The following GRM5 variants were observed in gnomAD, a reference collection of about 807,000 sequenced individuals.
GRM5 encodes metabotropic glutamate receptor 5.
GRM5 carries 19 observed loss-of-function variants against 83.1 expected under a neutral mutation model. The observed-to-expected ratio is 0.23, with a 90% CI of 0.16 to 0.34. The LOEUF (loss-of-function observed/expected upper bound fraction) is 0.34, where lower values mean the gene tolerates loss of function less well. Ranked by LOEUF, GRM5 falls within the 10% of genes least tolerant of loss-of-function variation. The pLI is 1.00. For missense variants in GRM5, 1,160 were observed against 1,588.3 expected (o/e 0.73, Z 4.58); for synonymous variants, 675 against 633.6 (o/e 1.07, Z -0.98).
At position 88,508,568 on chromosome 11, in the gene GRM5, G is replaced by C. The variant is rs1272930330; in HGVS notation, c.*24C>G. 6.3e-7 allele frequency: 1 copy of C among 1,588,786 alleles called. No individual in the cohort carries two copies. Among genetic ancestry groups the C allele is most frequent in the Non-Finnish European group, 8.6e-7 (1 of 1,160,920 alleles). On this transcript the variant is annotated 3_prime_UTR_variant, in exon 10 of 10. Coordinates refer to ENST00000305447, the MANE Select transcript of GRM5 (RefSeq NM_001143831.3). This position sits in a 1 kb window ranked among gnomAD's most constrained non-coding sequence, Gnocchi z 4.2. Reference sequence around the variant, plus strand: ...CGGGGGGCTCCGCTCCGCACGCGCAGGCCGGCGTGCTTTCCAGGGACATTC... The same window carrying C: ...CGGGGGGCTCCGCTCCGCACGCGCACGCCGGCGTGCTTTCCAGGGACATTC...
intron 8 of GRM5, among the ~76,000 whole-genome samples, chr11:88,537,430 A>C (rs945939288): frequency 6.6e-5 from 10 of 152,156 alleles, no homozygotes; most frequent in Non-Finnish European, 1.2e-4. Flanking sequence ...GTGATAGCAG[A>C]AGACAGACAG....
intron 3 of GRM5, among the ~76,000 whole-genome samples, chr11:88,826,455 ATTATT>A (rs538072885): frequency 6.5e-4 from 99 of 151,314 alleles, no homozygotes; most frequent in Non-Finnish European, 1.8e-4. Flanking sequence ...TATATATATA[ATTATT>A]TTATTTATTT....
intron 2 of GRM5, among the ~76,000 whole-genome samples, chr11:88,895,107 T>C (rs565322767): frequency 1.3e-5 from 2 of 152,054 alleles, no homozygotes; most frequent in African/African-American, 4.8e-5. Flanking sequence ...AGCAGACTGA[T>C]AAATTGAGAT....
At position 88,525,407 on chromosome 11, in the gene GRM5, G is replaced by A; in HGVS notation, c.2631-3C>T. On this transcript the variant is annotated splice_region_variant and splice_polypyrimidine_tract_variant and intron_variant, in intron 8 of 9. Transcript: ENST00000305447. ...GGGCCAGTCTCCTGTCTTTGTACCTGGTGAGCATGAACAAGGACAGGAGCA... is the reference window on the plus strand; with the variant it reads ...GGGCCAGTCTCCTGTCTTTGTACCTAGTGAGCATGAACAAGGACAGGAGCA... The A allele has an allele frequency of 6.3e-7, 1 of 1,581,132 alleles. No individual in the cohort carries two copies. Among genetic ancestry groups the A allele is most frequent in the South Asian group, 1.1e-5 (1 of 90,148 alleles).
In GRM5 at chr11:88,972,627, T is replaced by A. The variant is rs547371789; in HGVS notation, c.661+74585A>T. 2.6e-5 allele frequency among the ~76,000 whole-genome samples: 4 copies of A among 152,280 alleles called. No homozygotes were observed. In the South Asian group the frequency reaches 8.3e-4, roughly 32 times the overall value. ...ATGGAATTAGGAGATTACCACTTGA[T>A]AATCATCAGTGAAAACTCATTCAGG... is the stretch of plus-strand genomic sequence containing the variant. On this transcript the variant is annotated intron_variant, in intron 2 of 9. Transcript: ENST00000305447.
intron 3 of GRM5, among the ~76,000 whole-genome samples, chr11:88,730,488 T>C (rs1427639270): frequency 6.6e-6 from 1 of 152,080 alleles, no homozygotes; most frequent in African/African-American, 2.4e-5. Flanking sequence ...GTGCCAGAAA[T>C]ACCATTTAAC....
chr11:88,580,633 G>A (rs576152835), intron 7 of GRM5, among the ~76,000 whole-genome samples: 2 of 152,210 alleles, frequency 1.3e-5, no homozygotes, highest in African/African-American at 2.4e-5. Flanking sequence ...CACGGCTTAC[G>A]GCTTTCTGGG....
intron 3 of GRM5, among the ~76,000 whole-genome samples, chr11:88,720,114 G>T (rs1941499405): frequency 6.6e-6 from 1 of 151,992 alleles, no homozygotes; most frequent in African/African-American, 2.4e-5. Flanking sequence ...ACAGAACCTG[G>T]CATTTAGGAG....
intron 4 of GRM5, among the ~76,000 whole-genome samples, chr11:88,609,974 A>G (rs1938269461): frequency 6.6e-6 from 1 of 152,222 alleles, no homozygotes; most frequent in Non-Finnish European, 1.5e-5. Context: ...TCCCAGCACC[A>G]TTTATTGGAT....
intron 3 of GRM5, among the ~76,000 whole-genome samples, chr11:88,757,742 G>A (rs1047001278): frequency 3.9e-5 from 6 of 152,278 alleles, no homozygotes; most frequent in Admixed American, 6.5e-5. Flanking sequence ...CAGTCAATGA[G>A]TGTGAACCCC....
At chr11:88,901,845 C>T (rs1945319266) in intron 2 of GRM5, among the ~76,000 whole-genome samples, 1 of 152,142 alleles carries the variant, frequency 6.6e-6, no homozygotes. Flanking sequence ...TTTCCGAATG[C>T]ATCTCAAACT....
intron 8 of GRM5, among the ~76,000 whole-genome samples, chr11:88,542,148 A>G (rs1827603): frequency 0.21 from 32,695 of 152,134 alleles, 3,827 homozygotes; most frequent in African/African-American, 0.27. Flanking sequence ...GGGTGAGAGC[A>G]GACTAATACA....
At chr11:88,821,564 G>C (rs1943795773) in intron 3 of GRM5, among the ~76,000 whole-genome samples, 1 of 151,902 alleles carries the variant, frequency 6.6e-6, no homozygotes, top group African/African-American at 2.4e-5. Context: ...GTTCTTCTCT[G>C]GACTATTGCA....
chr11:88,936,574 G>A (rs1937901574), intron 2 of GRM5, among the ~76,000 whole-genome samples: 1 of 151,542 alleles, frequency 6.6e-6, no homozygotes, highest in Non-Finnish European at 1.5e-5. Context: ...CATAAACCAA[G>A]GAAAGCTGAT....
intron 3 of GRM5, among the ~76,000 whole-genome samples, chr11:88,744,585 T>C (rs1326474194): frequency 1.3e-5 from 2 of 152,122 alleles, no homozygotes; most frequent in African/African-American, 4.8e-5. Context: ...ACATGAACCT[T>C]GAAAGGCAGG....
chr11:88,982,088 T>A (rs1939543198), intron 2 of GRM5, among the ~76,000 whole-genome samples: 1 of 152,198 alleles, frequency 6.6e-6, no homozygotes, highest in Admixed American at 6.5e-5. Flanking sequence ...TGGTATTGGG[T>A]AACCAATATT....
intron 9 of GRM5, among the ~76,000 whole-genome samples, chr11:88,518,759 G>A (rs1330141426): frequency 6.6e-6 from 1 of 151,652 alleles, no homozygotes. Context: ...GCTCTTGCAG[G>A]TTCCATCAGA....
intron 2 of GRM5, among the ~76,000 whole-genome samples, chr11:89,002,014 T>TC (rs1388144862): frequency 1.3e-5 from 2 of 152,082 alleles, no homozygotes; most frequent in African/African-American, 4.8e-5. Flanking sequence ...AGCTATTTTC[T>TC]CCCCCTAGAG....
At chr11:88,604,603 G>T in intron 5 of GRM5, 115 bp downstream of exon 5, 1 of 860,626 alleles carries the variant, frequency 1.2e-6, no homozygotes, top group Non-Finnish European at 1.8e-6. Context: ...TCAGGGAAGG[G>T]GAAACATTAC....
Sources: gnomAD v4.1 joint callset for allele counts (sites outside exome capture counted in the v4.1 genomes callset) on GRCh38, gnomAD v4.1.1 for gene constraint, Gnocchi (gnomAD v3.1) non-coding constraint, MANE v1.5 for transcripts, NCBI Gene and HGNC (gene_info 2026-07-23, HGNC 2026-07-21) for gene names.